Variants in GPD1L observed in about 807,000 individuals in gnomAD.
GPD1L encodes glycerol-3-phosphate dehydrogenase 1-like protein.
GPD1L carries 17 observed loss-of-function variants against 32.9 expected under a neutral mutation model. The ratio of observed to expected loss-of-function variants is 0.52; its 90% CI spans 0.35 to 0.78. The LOEUF is 0.78. GPD1L is among the 30% of genes least tolerant of loss of function. The pLI, the probability that GPD1L is intolerant of heterozygous loss-of-function variation, is 0.01. For synonymous variants in GPD1L, 187 were observed against 165.9 expected (o/e 1.13, Z -0.98); for missense variants, 361 against 447.8 (o/e 0.81, Z 1.75).
chr3:32,150,366 TC>T (rs1210088283), intron 5 of GPD1L, among the ~76,000 whole-genome samples: 2 of 152,212 alleles, frequency 1.3e-5, no homozygotes, highest in African/African-American at 2.4e-5. Context: ...GGTCTTGTGT[TC>T]CTTGGCTCAA....
At chr3:32,164,599 C>T (rs573741792) in intron 7 of GPD1L, among the ~76,000 whole-genome samples, 1 of 152,286 alleles carries the variant, frequency 6.6e-6, no homozygotes, top group East Asian at 1.9e-4. Flanking sequence ...TACAGATGGG[C>T]AAACAGGGTC....
intron 2 of GPD1L, among the ~76,000 whole-genome samples, chr3:32,131,933 T>G (rs986753118): frequency 1.3e-5 from 2 of 152,244 alleles, no homozygotes; most frequent in African/African-American, 4.8e-5. Context: ...AGCGAGTATC[T>G]CATTCATGGT....
rs544381996 is a variant in GPD1L, at chr3:32,166,119, A to T, written c.*209A>T. The T allele has an allele frequency of 3.3e-6, 2 of 599,050 alleles. No homozygotes were observed. The highest frequency in any genetic ancestry group is 5.4e-5 in the Admixed American group (2 of 36,768). The allele number at this position is 599,050 out of a possible 1,614,324, so 37.1% of individuals were successfully genotyped here. On this transcript the variant is annotated 3_prime_UTR_variant, in exon 8 of 8. Coordinates refer to ENST00000282541, the MANE Select transcript of GPD1L (RefSeq NM_015141.4). ...AACTAAACACACATGCAAACATGTG[A>T]ATGGTGGTTTATTCCTCATTCTGTG...
In GPD1L at chr3:32,106,642, A is replaced by C. The variant is rs1163498343; in HGVS notation, c.-70A>C. On this transcript the variant is annotated 5_prime_UTR_variant, in exon 1 of 8. Coordinates refer to ENST00000282541, the MANE Select transcript of GPD1L (RefSeq NM_015141.4). The surrounding 1 kb of genome is among the most constrained non-coding windows in gnomAD (Gnocchi z 4.0). ...GGGGCCGCCGCCAGCCGCTGCGGGC[A>C]AGGCTGAACAGGCGGAGGTGGGCAG... 14 of 1,401,752 alleles carry C rather than the reference A, an allele frequency of 1.0e-5. No individual in the cohort carries two copies. Among genetic ancestry groups the C allele is most frequent in the Non-Finnish European group, 1.2e-5 (13 of 1,061,034 alleles). 86.8% of individuals were successfully genotyped at this position (1,401,752 alleles called of 1,614,324 possible). A position where few individuals can be genotyped will look rare whatever the true frequency, so the allele number is the denominator to read the frequency against.
At position 32,166,261 on chromosome 3, in the gene GPD1L, A is replaced by G. The variant is rs1179377509; in HGVS notation, c.*351A>G. The G allele has an allele frequency of 8.9e-6, 3 of 338,066 alleles. No individual in the cohort carries two copies. The highest frequency in any genetic ancestry group is 4.7e-5 in the Admixed American group (1 of 21,472). The allele number at this position is 338,066 out of a possible 1,614,324, so 20.9% of individuals were successfully genotyped here. On this transcript the variant is annotated 3_prime_UTR_variant, in exon 8 of 8. Transcript: ENST00000282541. ...CAGCCAAATATTTTAGGTGTAATTCATATGTATTTGAGTGGAGGATTTTTT... is the reference window on the plus strand; with the variant it reads ...CAGCCAAATATTTTAGGTGTAATTCGTATGTATTTGAGTGGAGGATTTTTT...
chr3:32,123,823 TAGATAGATAGATAGATAGAC>T (rs1700462111), intron 1 of GPD1L, among the ~76,000 whole-genome samples: 1 of 147,138 alleles, frequency 6.8e-6, no homozygotes, highest in African/African-American at 2.5e-5. Flanking sequence ...GATAGATAGA[TAGATAGATAGATAGATAGAC>T]AGACAGATAA....
intron 2 of GPD1L, among the ~76,000 whole-genome samples, chr3:32,134,222 T>C (rs1377958295): frequency 1.3e-5 from 2 of 152,224 alleles, no homozygotes; most frequent in Non-Finnish European, 2.9e-5. Context: ...CATGATCTCA[T>C]TAGCTGATAA....
intron 3 of GPD1L, among the ~76,000 whole-genome samples, chr3:32,139,465 C>T (rs1254489574): frequency 1.3e-5 from 2 of 152,030 alleles, no homozygotes; most frequent in Non-Finnish European, 2.9e-5. Flanking sequence ...GTTTTTTAAA[C>T]AAATTTCAAC....
chr3:32,140,163 T>G (rs1700720215), intron 3 of GPD1L, 65 bp from the exon 4 acceptor site: 8 of 1,537,200 alleles, frequency 5.2e-6, no homozygotes, highest in Non-Finnish European at 7.2e-6. Context: ...CCATGGGACA[T>G]CTACTATCCC....
intron 4 of GPD1L, among the ~76,000 whole-genome samples, chr3:32,144,774 C>A (rs1205408533): frequency 2.6e-5 from 4 of 151,466 alleles, no homozygotes; most frequent in Admixed American, 2.6e-4. Context: ...CAACCTCCGC[C>A]CCCTGGGCTC....
chr3:32,152,865 C>A (rs997964898), intron 5 of GPD1L, among the ~76,000 whole-genome samples: 1 of 124,534 alleles, frequency 8.0e-6, no homozygotes, highest in African/African-American at 4.2e-5. Context: ...AAAAGACAGA[C>A]AAAGAGCACG....
chr3:32,113,017 A>C (rs1700274765), intron 1 of GPD1L, among the ~76,000 whole-genome samples: 2 of 152,194 alleles, frequency 1.3e-5, no homozygotes, highest in South Asian at 4.1e-4. Flanking sequence ...GCATACTTTC[A>C]CATGAGGATA....
intron 7 of GPD1L, among the ~76,000 whole-genome samples, chr3:32,161,024 T>C (rs9834985): frequency 0.63 from 95,511 of 152,054 alleles, 32,404 homozygotes; most frequent in African/African-American, 0.88. Flanking sequence ...GTGGCTAATT[T>C]AGAGCATGAG....
chr3:32,123,910 G>A (rs1448191821), intron 1 of GPD1L, among the ~76,000 whole-genome samples: 1 of 152,132 alleles, frequency 6.6e-6, no homozygotes, highest in African/African-American at 2.4e-5. Flanking sequence ...GACATGGAGA[G>A]TGCCAGCAGT....
intron 2 of GPD1L, among the ~76,000 whole-genome samples, chr3:32,128,689 C>A (rs1700546942): frequency 6.6e-6 from 1 of 152,170 alleles, no homozygotes; most frequent in Admixed American, 6.5e-5. Context: ...AAGTTAATTA[C>A]CTCTTTTAAG....
intron 2 of GPD1L, among the ~76,000 whole-genome samples, chr3:32,132,612 C>G (rs1259635170): frequency 6.6e-6 from 1 of 152,140 alleles, no homozygotes; most frequent in Non-Finnish European, 1.5e-5. Flanking sequence ...TGGTGATCTT[C>G]AAATTTTAGT....
At chr3:32,138,791 C>T (rs1700701487) in intron 3 of GPD1L, 64 bp downstream of exon 3, 1 of 1,502,300 alleles carries the variant, frequency 6.7e-7, no homozygotes, top group African/African-American at 1.4e-5. Context: ...TTTCCTCACA[C>T]TTTCATCTGC....
chr3:32,166,066 G>A lies in GPD1L; in HGVS notation c.*156G>A. ...GTTCGTTTTTGAATTGTGAGAGGCA[G>A]TTCATTAGCAAAGATGTACTGGGCA... On this transcript the variant is annotated 3_prime_UTR_variant, in exon 8 of 8. Coordinates refer to ENST00000282541, the MANE Select transcript of GPD1L (RefSeq NM_015141.4). 3 of 681,208 alleles carry A rather than the reference G, an allele frequency of 4.4e-6. No homozygotes were observed. Among genetic ancestry groups the A allele is most frequent in the Non-Finnish European group, 5.4e-6 (2 of 370,944 alleles). 42.2% of individuals were successfully genotyped at this position (681,208 alleles called of 1,614,324 possible).
At chr3:32,154,823 C>T (rs756977804) in intron 5 of GPD1L, among the ~76,000 whole-genome samples, 4 of 151,968 alleles carry the variant, frequency 2.6e-5, no homozygotes, top group Non-Finnish European at 5.9e-5. Flanking sequence ...TCTCGGCTCA[C>T]TGCAACCTCC....
Sources: allele counts gnomAD v4.1 joint callset (sites outside exome capture counted in the v4.1 genomes callset), GRCh38; gene constraint gnomAD v4.1.1; non-coding constraint Gnocchi (gnomAD v3.1); transcripts MANE v1.5; gene names NCBI Gene and HGNC (gene_info 2026-07-23, HGNC 2026-07-21).